Variants in CTNND2 observed in about 807,000 individuals in gnomAD.
The protein encoded by CTNND2 is catenin delta 2.
A neutral mutation model predicts 144.4 loss-of-function variants in CTNND2; 22 were observed. The ratio of observed to expected loss-of-function variants is 0.15; its 90% CI spans 0.11 to 0.22. The LOEUF (loss-of-function observed/expected upper bound fraction) is 0.22, where lower values mean the gene tolerates loss of function less well. Among genes scored for constraint, CTNND2 ranks in the 10% least tolerant of loss-of-function variants. The probability of loss-of-function intolerance (pLI) is 1.00; values close to 1 mark genes in which losing one functional copy is unlikely to be tolerated. For synonymous variants in CTNND2, 751 were observed against 695.6 expected (o/e 1.08, Z -1.25); for missense variants, 1,353 against 1,618.8 (o/e 0.84, Z 2.82).
intron 3 of CTNND2, among the ~76,000 whole-genome samples, chr5:11,563,931 GA>G (rs1461171889): frequency 6.6e-6 from 1 of 152,194 alleles, no homozygotes; most frequent in Admixed American, 6.5e-5. Context: ...TACTTCTGCA[GA>G]GTGGCTGCTG....
intron 1 of CTNND2, among the ~76,000 whole-genome samples, chr5:11,793,248 G>C (rs920973133): frequency 3.3e-5 from 5 of 152,076 alleles, no homozygotes; most frequent in African/African-American, 4.8e-5. Flanking sequence ...CTGCCTACTT[G>C]CTCCTCTCCA....
At chr5:11,171,302 A>C (rs1231564527) in intron 11 of CTNND2, among the ~76,000 whole-genome samples, 1 of 152,172 alleles carries the variant, frequency 6.6e-6, no homozygotes, top group Non-Finnish European at 1.5e-5. Flanking sequence ...TGAGAGAGAG[A>C]GCTGGGGTAT....
chr5:11,089,414 G>C (rs1194380835), intron 15 of CTNND2, among the ~76,000 whole-genome samples: 1 of 152,186 alleles, frequency 6.6e-6, no homozygotes, highest in East Asian at 1.9e-4. Context: ...TACTGCTATA[G>C]CAGCATCTGT....
intron 15 of CTNND2, among the ~76,000 whole-genome samples, chr5:11,085,521 C>T (rs1750040187): frequency 6.6e-6 from 1 of 152,174 alleles, no homozygotes; most frequent in African/African-American, 2.4e-5. Flanking sequence ...AGCTTTTGCA[C>T]TCCTCTTCCT....
At chr5:11,766,735 G>C (rs1444193812) in intron 1 of CTNND2, among the ~76,000 whole-genome samples, 3 of 152,090 alleles carry the variant, frequency 2.0e-5, no homozygotes, top group Non-Finnish European at 4.4e-5. Flanking sequence ...AGTCATGGAG[G>C]GAAGGCTTTC....
At chr5:11,492,664 A>T (rs1769534468) in intron 3 of CTNND2, among the ~76,000 whole-genome samples, 1 of 151,838 alleles carries the variant, frequency 6.6e-6, no homozygotes, top group African/African-American at 2.4e-5. Flanking sequence ...TTATTCACTA[A>T]GAGGTATATA....
At chr5:11,782,091 G>C (rs1320408645) in intron 1 of CTNND2, among the ~76,000 whole-genome samples, 1 of 152,136 alleles carries the variant, frequency 6.6e-6, no homozygotes, top group African/African-American at 2.4e-5. Context: ...TTTGTACAAA[G>C]GGCAGTTCCC....
intron 3 of CTNND2, among the ~76,000 whole-genome samples, chr5:11,551,704 T>C (rs1031527745): frequency 9.2e-5 from 14 of 152,182 alleles, no homozygotes; most frequent in Non-Finnish European, 1.6e-4. Flanking sequence ...ATTCAAGTGA[T>C]TCTACTGCCT....
At chr5:11,877,372 C>T (rs1198728995) in intron 1 of CTNND2, among the ~76,000 whole-genome samples, 1 of 151,940 alleles carries the variant, frequency 6.6e-6, no homozygotes, top group African/African-American at 2.4e-5. Flanking sequence ...TTGAGTTTTG[C>T]TATTTGCTGT....
intron 16 of CTNND2, among the ~76,000 whole-genome samples, chr5:11,082,297 G>C (rs1749656681): frequency 6.6e-6 from 1 of 152,156 alleles, no homozygotes. Context: ...TAAAAGAATA[G>C]GATTAAAGGG....
chr5:11,451,369 A>G (rs1390803449), intron 3 of CTNND2, among the ~76,000 whole-genome samples: 1 of 152,302 alleles, frequency 6.6e-6, no homozygotes, highest in East Asian at 1.9e-4. Context: ...AACCAACCAC[A>G]ATATAATTCT....
Position 11,275,584 on chromosome 5 carries a change from C to G in CTNND2, c.1629-38761G>C, listed in dbSNP as rs77599184. On this transcript the variant is annotated intron_variant, in intron 9 of 21. Coordinates refer to ENST00000304623, the MANE Select transcript of CTNND2 (RefSeq NM_001332.4). ...GAGTTGCTCTGTTAATGAATGAGGTCCCCATTGCAAGAGCAATTTTAATTA... is the reference window on the plus strand; with the variant it reads ...GAGTTGCTCTGTTAATGAATGAGGTGCCCATTGCAAGAGCAATTTTAATTA... Among the ~76,000 whole-genome samples the G allele has an allele frequency of 1.8e-3, 281 of 152,292 alleles. 1 individual carries two copies. Among genetic ancestry groups the G allele is most frequent in the African/African-American group, 6.0e-3 (248 of 41,550 alleles).
At chr5:11,007,798 G>C (rs1740643244) in intron 18 of CTNND2, among the ~76,000 whole-genome samples, 1 of 152,234 alleles carries the variant, frequency 6.6e-6, no homozygotes, top group Admixed American at 6.5e-5. Flanking sequence ...AGGAGCATTG[G>C]TGCTGTTGCA....
At chr5:11,679,060 C>T (rs548466168) in intron 2 of CTNND2, among the ~76,000 whole-genome samples, 1 of 152,102 alleles carries the variant, frequency 6.6e-6, no homozygotes, top group South Asian at 2.1e-4. Flanking sequence ...TTTCAGCATC[C>T]CTTTCGTTCT....
intron 11 of CTNND2, among the ~76,000 whole-genome samples, chr5:11,172,645 A>G (rs1190279352): frequency 1.3e-5 from 2 of 152,208 alleles, no homozygotes; most frequent in African/African-American, 2.4e-5. Context: ...ACAAGAAAGC[A>G]AACACATGTG....
At chr5:11,804,565 C>T (rs1791889553) in intron 1 of CTNND2, among the ~76,000 whole-genome samples, 1 of 152,030 alleles carries the variant, frequency 6.6e-6, no homozygotes, top group Non-Finnish European at 1.5e-5. Context: ...TGGCTTAAAC[C>T]CTCATTACTA....
chr5:11,831,098 G>A (rs986006397), intron 1 of CTNND2, among the ~76,000 whole-genome samples: 6 of 152,022 alleles, frequency 3.9e-5, no homozygotes, highest in African/African-American at 1.2e-4. Flanking sequence ...GACTCAACAT[G>A]ATTAAGTTGT....
At chr5:11,655,416 A>G (rs1397959792) in intron 2 of CTNND2, among the ~76,000 whole-genome samples, 1 of 152,114 alleles carries the variant, frequency 6.6e-6, no homozygotes, top group East Asian at 1.9e-4. Context: ...ATATTTCGTC[A>G]AGACAGCATT....
At chr5:11,497,524 GGGGGC>G in intron 3 of CTNND2, among the ~76,000 whole-genome samples, 1 of 83,074 alleles carries the variant, frequency 1.2e-5, no homozygotes, top group Non-Finnish European at 2.4e-5. Context: ...GGGGGTGGGG[GGGGGC>G]AATATGTGCA....
Sources: gnomAD v4.1 joint callset for allele counts (sites outside exome capture counted in the v4.1 genomes callset) on GRCh38, gnomAD v4.1.1 for gene constraint, MANE v1.5 for transcripts, NCBI Gene and HGNC (gene_info 2026-07-23, HGNC 2026-07-21) for gene names.